PPP2R2B: variants seen among roughly 807,000 people sequenced by gnomAD.
PPP2R2B encodes the protein serine/threonine-protein phosphatase 2A 55 kDa regulatory subunit B beta isoform.
PPP2R2B carries 5 observed loss-of-function variants against 46.0 expected under a neutral mutation model. That is an observed-to-expected ratio of 0.11 (90% CI 0.06 to 0.23). The LOEUF is 0.23. PPP2R2B is among the 10% of genes least tolerant of loss of function. The probability of loss-of-function intolerance (pLI) is 1.00; values close to 1 mark genes in which losing one functional copy is unlikely to be tolerated. For missense variants in PPP2R2B, 367 were observed against 575.0 expected, an observed-to-expected ratio of 0.64 and a Z score of 3.70; for synonymous variants, 215 against 206.7, an observed-to-expected ratio of 1.04 and a Z score of -0.34.
intron 1 of PPP2R2B, chr5:146,914,259 T>A (rs1252025076): frequency 1.3e-5 from 2 of 152,196 alleles, no homozygotes; most frequent in Admixed American, 1.3e-4. Flanking sequence ...AAAGAAGACC[T>A]TCTATTATGA....
chr5:146,983,364 TA>T (rs1753270423), intron 1 of PPP2R2B, among the ~76,000 whole-genome samples: 1 of 152,000 alleles, frequency 6.6e-6, no homozygotes, highest in Non-Finnish European at 1.5e-5. Flanking sequence ...GTATTTTTAG[TA>T]GAGACGGGGT....
At chr5:146,911,090 T>C (rs1763162475) in intron 1 of PPP2R2B, among the ~76,000 whole-genome samples, 1 of 113,180 alleles carries the variant, frequency 8.8e-6, no homozygotes, top group Admixed American at 8.8e-5. Context: ...GACACTTTCT[T>C]TTTTTTTTTT....
At position 146,581,351 on chromosome 5, in the gene PPP2R2B, G is replaced by A. The variant is rs866061128; in HGVS notation, c.*8596C>T. 8 of 152,264 alleles carry A rather than the reference G, an allele frequency of 5.3e-5. No homozygotes were observed. The highest frequency in any genetic ancestry group is 2.1e-4 in the South Asian group (1 of 4,820). 9.4% of individuals were successfully genotyped at this position (152,264 alleles called of 1,614,324 possible). ...TCACACCTTTAAACAACCAGATCTCGTGAGAACTTACTCACTATCACGAGA... is the reference window on the plus strand; with the variant it reads ...TCACACCTTTAAACAACCAGATCTCATGAGAACTTACTCACTATCACGAGA... On this transcript the variant is annotated 3_prime_UTR_variant, in exon 10 of 10. Coordinates refer to ENST00000394411, the MANE Select transcript of PPP2R2B (RefSeq NM_181675.4).
At chr5:146,814,191 TAAAA>T (rs538306555) in intron 2 of PPP2R2B, among the ~76,000 whole-genome samples, 1 of 124,502 alleles carries the variant, frequency 8.0e-6, no homozygotes, top group Non-Finnish European at 1.7e-5. Context: ...AGAAAACAGC[TAAAA>T]AAAAAAAAAA....
chr5:147,031,234 CAAA>C (rs545505988), intron 1 of PPP2R2B, among the ~76,000 whole-genome samples: 1 of 141,124 alleles, frequency 7.1e-6, no homozygotes, highest in African/African-American at 2.6e-5. Context: ...GACTCCACCT[CAAA>C]AAAAAAAAAT....
intron 2 of PPP2R2B, among the ~76,000 whole-genome samples, chr5:146,812,443 G>A (rs1202741739): frequency 6.5e-5 from 8 of 122,636 alleles, no homozygotes; most frequent in Non-Finnish European, 1.0e-4. Flanking sequence ...TACTTTCCCA[G>A]GCCTCTTCTG....
intron 2 of PPP2R2B, among the ~76,000 whole-genome samples, chr5:146,798,669 A>G (rs952242479): frequency 6.6e-6 from 1 of 152,242 alleles, no homozygotes; most frequent in Non-Finnish European, 1.5e-5. Context: ...AGTAGCAACT[A>G]ATATTGACTC....
chr5:146,628,949 T>C (rs1774241965), intron 7 of PPP2R2B, among the ~76,000 whole-genome samples: 2 of 152,188 alleles, frequency 1.3e-5, no homozygotes, highest in Admixed American at 1.3e-4. Context: ...AGCTCATACT[T>C]GATCATCTGT....
chr5:146,663,226 T>G (rs934276980), intron 5 of PPP2R2B, among the ~76,000 whole-genome samples: 2 of 152,160 alleles, frequency 1.3e-5, no homozygotes, highest in Non-Finnish European at 2.9e-5. Flanking sequence ...AGACAGGTAC[T>G]CAGTATTTCT....
At chr5:146,911,976 G>A (rs1485702407) in intron 1 of PPP2R2B, among the ~76,000 whole-genome samples, 2 of 152,154 alleles carry the variant, frequency 1.3e-5, no homozygotes, top group African/African-American at 2.4e-5. Flanking sequence ...AGTGGCCCAC[G>A]CCTGTAATCC....
At chr5:147,005,457 C>A (rs1754391873) in intron 1 of PPP2R2B, among the ~76,000 whole-genome samples, 2 of 152,190 alleles carry the variant, frequency 1.3e-5, no homozygotes, top group Non-Finnish European at 2.9e-5. Context: ...CATGCCCATG[C>A]TGCAATATGG....
At chr5:147,073,971 G>A (rs895918063) in intron 2 of PPP2R2B, among the ~76,000 whole-genome samples, 1 of 151,914 alleles carries the variant, frequency 6.6e-6, no homozygotes, top group African/African-American at 2.4e-5. Context: ...GGGAGATGGA[G>A]GTTGCAGTGA....
chr5:146,980,055 T>C (rs1753096962), intron 1 of PPP2R2B, among the ~76,000 whole-genome samples: 1 of 152,196 alleles, frequency 6.6e-6, no homozygotes, highest in Non-Finnish European at 1.5e-5. Context: ...AATTTTTAAA[T>C]TTAATTCCAT....
At chr5:146,974,045 T>C (rs1752781649) in intron 1 of PPP2R2B, among the ~76,000 whole-genome samples, 1 of 152,208 alleles carries the variant, frequency 6.6e-6, no homozygotes, top group Non-Finnish European at 1.5e-5. Context: ...ATTTGTTTTT[T>C]CTAGAGAGTA....
At chr5:146,720,737 G>T (rs894703128) in intron 2 of PPP2R2B, among the ~76,000 whole-genome samples, 2 of 152,128 alleles carry the variant, frequency 1.3e-5, no homozygotes, top group Non-Finnish European at 2.9e-5. Context: ...TGGAGATTCA[G>T]TATTGACAGT....
chr5:147,047,833 A>G (rs1023791452), intron 1 of PPP2R2B, among the ~76,000 whole-genome samples: 1 of 152,178 alleles, frequency 6.6e-6, no homozygotes, highest in African/African-American at 2.4e-5. Context: ...CATGGCAGCC[A>G]CTTTTCTGCC....
At chr5:147,074,333 G>A (rs1239167746) in intron 2 of PPP2R2B, among the ~76,000 whole-genome samples, 1 of 152,166 alleles carries the variant, frequency 6.6e-6, no homozygotes, top group East Asian at 1.9e-4. Context: ...CAAAAAGACA[G>A]GATTCCTTCT....
chr5:146,748,859 A>G (rs953556791), intron 2 of PPP2R2B, among the ~76,000 whole-genome samples: 1 of 152,194 alleles, frequency 6.6e-6, no homozygotes, highest in East Asian at 1.9e-4. Context: ...AGGTTTGTAT[A>G]TAGGTTTTTG....
At chr5:146,882,102 C>T (rs1280648103), upstream of PPP2R2B, among the ~76,000 whole-genome samples, 1 of 151,738 alleles carries the variant, frequency 6.6e-6, no homozygotes, top group African/African-American at 2.4e-5. Context: ...ATGGTGAAAC[C>T]CTGTCTCTAC....
Sources: allele counts gnomAD v4.1 joint callset (sites outside exome capture counted in the v4.1 genomes callset), GRCh38; gene constraint gnomAD v4.1.1; transcripts MANE v1.5; gene names NCBI Gene and HGNC (gene_info 2026-07-23, HGNC 2026-07-21).